The following TMEM163 variants were observed in gnomAD, a reference collection of about 807,000 sequenced individuals.
TMEM163 encodes transmembrane protein 163.
A neutral mutation model predicts 29.3 loss-of-function variants in TMEM163; 17 were observed. That is an observed-to-expected ratio of 0.58 (90% CI 0.40 to 0.87). The LOEUF (loss-of-function observed/expected upper bound fraction) is 0.87, where lower values mean the gene tolerates loss of function less well. TMEM163 is among the 40% of genes least tolerant of loss of function. The pLI, the probability that TMEM163 is intolerant of heterozygous loss-of-function variation, is 0.00. For missense variants in TMEM163, 303 were observed against 381.5 expected (o/e 0.79, Z 1.71); for synonymous variants, 157 against 160.6 (o/e 0.98, Z 0.17).
intron 2 of TMEM163, among the ~76,000 whole-genome samples, chr2:134,574,453 G>A (rs887167082): frequency 2.6e-5 from 4 of 152,028 alleles, no homozygotes; most frequent in Non-Finnish European, 4.4e-5. Context: ...CCAGCTACTC[G>A]GAAGGCTAAG....
chr2:134,648,382 G>T (rs887005008), intron 2 of TMEM163, among the ~76,000 whole-genome samples: 1 of 139,456 alleles, frequency 7.2e-6, no homozygotes, highest in Non-Finnish European at 1.6e-5. Context: ...ATGGGCACAG[G>T]ATGGGGCTGT....
chr2:134,531,703 C>T (rs1294689772), intron 4 of TMEM163, among the ~76,000 whole-genome samples: 1 of 150,048 alleles, frequency 6.7e-6, no homozygotes, highest in Non-Finnish European at 1.5e-5. Flanking sequence ...ACAGTGCTTC[C>T]ATGCCCTCTG....
In TMEM163 at chr2:134,493,738, T is replaced by C. The variant is rs138546301; in HGVS notation, c.555+9163A>G. On this transcript the variant is annotated intron_variant, in intron 5 of 7. Coordinates refer to ENST00000281924, the MANE Select transcript of TMEM163 (RefSeq NM_030923.5). ...TGCAACAATTTTCTCTTTTGTTTTC[T>C]TCTAGAAGTTGTATAGTTTCAGGTT... Among the ~76,000 whole-genome samples, 21 of 152,336 alleles carry C rather than the reference T, an allele frequency of 1.4e-4. 1 individual carries two copies. Among genetic ancestry groups the C allele is most frequent in the South Asian group, 1.0e-3 (5 of 4,830 alleles).
chr2:134,680,443 C>A (rs1469393000), intron 2 of TMEM163, among the ~76,000 whole-genome samples: 1 of 151,948 alleles, frequency 6.6e-6, no homozygotes, highest in Non-Finnish European at 1.5e-5. Flanking sequence ...CAGAGCTAGA[C>A]CCTGTCTCAA....
chr2:134,536,816 C>T (rs1179226084), intron 4 of TMEM163, among the ~76,000 whole-genome samples: 1 of 152,166 alleles, frequency 6.6e-6, no homozygotes, highest in African/African-American at 2.4e-5. Flanking sequence ...TCCTGGGTCA[C>T]GGTTCCCTGA....
chr2:134,625,349 C>G (rs1682825445), intron 2 of TMEM163, among the ~76,000 whole-genome samples: 1 of 152,070 alleles, frequency 6.6e-6, no homozygotes. Flanking sequence ...AGTATGTCCC[C>G]TAACCCCACC....
chr2:134,530,114 C>T lies in TMEM163; in HGVS notation c.458+20456G>A, dbSNP rs1277260489. ...CCAGAAGCAAGAGATATGTAGAGGC[C>T]GGGGAAGGGGACGCATCTGCTCTTC... is the stretch of plus-strand genomic sequence containing the variant. On this transcript the variant is annotated intron_variant, in intron 4 of 7. Transcript: ENST00000281924. Among the ~76,000 whole-genome samples the T allele has an allele frequency of 6.6e-5, 10 of 152,074 alleles. No individual in the cohort carries two copies. In the East Asian group the frequency reaches 9.7e-4, roughly 15 times the overall value.
intron 2 of TMEM163, among the ~76,000 whole-genome samples, chr2:134,693,608 CAA>C (rs35183610): frequency 0.26 from 17,593 of 66,408 alleles, 2,901 homozygotes; most frequent in African/African-American, 0.5. Flanking sequence ...AAAACTACAT[CAA>C]AAAAAAAAAA....
chr2:134,542,392 T>C (rs1330716934), intron 4 of TMEM163, among the ~76,000 whole-genome samples: 2 of 152,178 alleles, frequency 1.3e-5, no homozygotes, highest in East Asian at 1.9e-4. Context: ...AGGACTCTTC[T>C]CAGGACCACA....
intron 2 of TMEM163, among the ~76,000 whole-genome samples, chr2:134,656,984 G>T (rs559108933): frequency 2.0e-5 from 3 of 152,254 alleles, no homozygotes; most frequent in African/African-American, 7.2e-5. Flanking sequence ...TGTGCTGCTG[G>T]ATTCAATTTC....
chr2:134,602,137 C>T (rs1469567676), intron 2 of TMEM163, among the ~76,000 whole-genome samples: 3 of 152,100 alleles, frequency 2.0e-5, no homozygotes, highest in African/African-American at 4.8e-5. Flanking sequence ...CTGAAATGTC[C>T]GGTGAGAAAT....
intron 4 of TMEM163, among the ~76,000 whole-genome samples, chr2:134,544,229 G>T (rs1316256714): frequency 6.6e-6 from 1 of 152,176 alleles, no homozygotes; most frequent in Non-Finnish European, 1.5e-5. Context: ...ACAGGGCAGA[G>T]AATGGCAGGA....
chr2:134,491,793 A>G (rs1679434405), intron 5 of TMEM163, among the ~76,000 whole-genome samples: 1 of 152,238 alleles, frequency 6.6e-6, no homozygotes, highest in Non-Finnish European at 1.5e-5. Flanking sequence ...AAAATAGAGT[A>G]ACATGGCAGA....
At chr2:134,642,943 A>T (rs963338305) in intron 2 of TMEM163, among the ~76,000 whole-genome samples, 1 of 152,004 alleles carries the variant, frequency 6.6e-6, no homozygotes, top group Admixed American at 6.6e-5. Flanking sequence ...CTTAGTTTCT[A>T]CCCTACAAAA....
At chr2:134,684,409 C>T (rs138116987) in intron 2 of TMEM163, among the ~76,000 whole-genome samples, 60 of 152,186 alleles carry the variant, frequency 3.9e-4, no homozygotes, top group African/African-American at 1.3e-3. Context: ...AATAATTCTG[C>T]GAGCATGAGT....
intron 6 of TMEM163, among the ~76,000 whole-genome samples, chr2:134,465,471 G>T (rs1686652231): frequency 6.6e-6 from 1 of 152,220 alleles, no homozygotes; most frequent in South Asian, 2.1e-4. Context: ...GGCACTGCTT[G>T]TCAAGTTTCT....
intron 2 of TMEM163, among the ~76,000 whole-genome samples, chr2:134,628,261 A>G (rs551124243): frequency 1.3e-5 from 2 of 152,392 alleles, no homozygotes; most frequent in African/African-American, 4.8e-5. Flanking sequence ...AAAATAACAC[A>G]AAACTCCTAC....
chr2:134,491,259 T>C (rs534991638), intron 5 of TMEM163, among the ~76,000 whole-genome samples: 1 of 152,296 alleles, frequency 6.6e-6, no homozygotes, highest in South Asian at 2.1e-4. Flanking sequence ...GGCTGGGGGC[T>C]GGAGAGATGA....
In TMEM163 at chr2:134,466,356, T is replaced by C. The variant is rs371088842; in HGVS notation, c.556-131A>G. ...GGTGTGCTGCCACCAGGTGGGGGTATACTGCATGCTTTCACACCTCAGTTA... is the reference window on the plus strand; with the variant it reads ...GGTGTGCTGCCACCAGGTGGGGGTACACTGCATGCTTTCACACCTCAGTTA... On this transcript the variant is annotated intron_variant, in intron 5 of 7. Coordinates refer to ENST00000281924, the MANE Select transcript of TMEM163 (RefSeq NM_030923.5). The C allele has an allele frequency of 2.8e-5, 19 of 672,798 alleles. No individual in the cohort carries two copies. The East Asian group carries it at 4.4e-4, about 16-fold the overall frequency. The allele number at this position is 672,798 out of a possible 1,614,324, so 41.7% of individuals were successfully genotyped here. A position where few individuals can be genotyped will look rare whatever the true frequency, so the allele number is the denominator to read the frequency against.
Sources: gnomAD v4.1 joint callset for allele counts (sites outside exome capture counted in the v4.1 genomes callset) on GRCh38, gnomAD v4.1.1 for gene constraint, MANE v1.5 for transcripts, NCBI Gene and HGNC (gene_info 2026-07-23, HGNC 2026-07-21) for gene names.